Variants in SH3KBP1 observed in about 807,000 individuals in gnomAD.
SH3KBP1 encodes the protein SH3 domain-containing kinase-binding protein 1.
A neutral mutation model predicts 50.1 loss-of-function variants in SH3KBP1; 8 were observed. The ratio of observed to expected loss-of-function variants is 0.16; its 90% CI spans 0.09 to 0.29. SH3KBP1 has a LOEUF of 0.29. Ranked by LOEUF, SH3KBP1 falls within the 10% of genes least tolerant of loss-of-function variation. The pLI is 1.00. For missense variants in SH3KBP1, 377 were observed against 535.2 expected (o/e 0.70, Z 2.92); for synonymous variants, 227 against 218.6 (o/e 1.04, Z -0.34).
chrX:19,581,875 C>T (rs778049075), intron 12 of SH3KBP1, among the ~76,000 whole-genome samples: 4 of 102,153 alleles, frequency 3.9e-5, no homozygotes, highest in Admixed American at 1.1e-4. Context: ...AAAAAAAAAG[C>T]GATTCCACTG....
At chrX:19,844,536 CT>C (rs779525291) in intron 1 of SH3KBP1, among the ~76,000 whole-genome samples, 24 of 111,609 alleles carry the variant, frequency 2.2e-4, no homozygotes, top group African/African-American at 7.5e-4. Context: ...TGATTTCACT[CT>C]TACCTTCACC....
At chrX:19,733,090 G>C (rs1164761301) in intron 3 of SH3KBP1, among the ~76,000 whole-genome samples, 1 of 111,523 alleles carries the variant, frequency 9.0e-6, no homozygotes. Context: ...GAGGAGAGGT[G>C]GGGGAGAAAA....
chrX:19,700,868 C>A (rs1321199859), intron 4 of SH3KBP1, among the ~76,000 whole-genome samples: 2 of 112,242 alleles, frequency 1.8e-5, no homozygotes, highest in African/African-American at 6.5e-5. Context: ...TGGGCCAGAA[C>A]ATTCCATTCA....
intron 1 of SH3KBP1, among the ~76,000 whole-genome samples, chrX:19,887,089 C>A (rs1401465438): frequency 9.0e-6 from 1 of 111,613 alleles, no homozygotes; most frequent in African/African-American, 3.3e-5. Flanking sequence ...TCTGCTCAGG[C>A]CCCCGCGGGT....
chrX:19,679,484 T>C (rs778509716), intron 6 of SH3KBP1, among the ~76,000 whole-genome samples: 1 of 112,496 alleles, frequency 8.9e-6, no homozygotes, highest in African/African-American at 3.2e-5. Context: ...ATGAAGGTAC[T>C]ATGGCCCTAT....
chrX:19,541,239 G>A (rs1434861010), intron 16 of SH3KBP1, among the ~76,000 whole-genome samples: 1 of 111,674 alleles, frequency 9.0e-6, no homozygotes, highest in East Asian at 2.8e-4. Context: ...CCTCCTATGG[G>A]CTTTGTCATT....
intron 2 of SH3KBP1, among the ~76,000 whole-genome samples, chrX:19,759,569 C>T: frequency 8.9e-6 from 1 of 111,943 alleles, no homozygotes; most frequent in Non-Finnish European, 1.9e-5. Context: ...CAAAACAATG[C>T]CATTTCATGC....
intron 7 of SH3KBP1, among the ~76,000 whole-genome samples, chrX:19,637,337 G>A (rs1321581552): frequency 8.9e-6 from 1 of 112,117 alleles, no homozygotes; most frequent in East Asian, 2.8e-4. Context: ...ATAAGGGTGT[G>A]GACTTCTATC....
At chrX:19,721,912 G>A (rs1337898507) in intron 3 of SH3KBP1, among the ~76,000 whole-genome samples, 2 of 111,304 alleles carry the variant, frequency 1.8e-5, no homozygotes, top group African/African-American at 3.3e-5. Flanking sequence ...TGAGATGGGA[G>A]GACCACTTGA....
rs146662643 is a variant in SH3KBP1 at position 19,776,157 on chromosome X, A to C, written c.163-29716T>G. The stretch of plus-strand genomic sequence containing the variant: ...GACCTCAGAAGATACTTTCCTCAAA[A>C]TGCTCTAAAGTCAGAAGTCTCAAAA... On this transcript the variant is annotated intron_variant, in intron 2 of 17. Transcript: ENST00000397821. Among the ~76,000 whole-genome samples the C allele has an allele frequency of 5.6e-3, 621 of 111,709 alleles. 6 individuals are homozygous for C. Among genetic ancestry groups the C allele is most frequent in the African/African-American group, 0.019 (598 of 30,724 alleles).
chrX:19,769,013 C>A (rs1041767722), intron 2 of SH3KBP1, among the ~76,000 whole-genome samples: 15 of 107,585 alleles, frequency 1.4e-4, no homozygotes, highest in Non-Finnish European at 1.3e-4. Context: ...TCCTGTTAAG[C>A]AGAAGGAGGT....
intron 2 of SH3KBP1, among the ~76,000 whole-genome samples, chrX:19,779,207 G>A (rs1373696127): frequency 9.3e-6 from 1 of 107,047 alleles, no homozygotes; most frequent in Admixed American, 1.0e-4. Flanking sequence ...GCTGAGGTGG[G>A]AGGATTGCTT....
chrX:19,826,698 AAC>A (rs2067687238), intron 2 of SH3KBP1, among the ~76,000 whole-genome samples: 1 of 98,972 alleles, frequency 1.0e-5, no homozygotes, highest in Non-Finnish European at 2.0e-5. Context: ...AACATAACAT[AAC>A]ATAACATAAC....
chrX:19,722,646 C>G (rs2064103172), intron 3 of SH3KBP1, among the ~76,000 whole-genome samples: 1 of 105,235 alleles, frequency 9.5e-6, no homozygotes, highest in African/African-American at 3.5e-5. Context: ...GCTGCAAGCA[C>G]AGAAATATTC....
At chrX:19,804,677 T>C (rs2066981460) in intron 2 of SH3KBP1, among the ~76,000 whole-genome samples, 1 of 109,783 alleles carries the variant, frequency 9.1e-6, no homozygotes, top group Non-Finnish European at 1.9e-5. Flanking sequence ...GTTTCACCCC[T>C]GCAGAGATCT....
chrX:19,590,092 G>C (rs2066698421), intron 11 of SH3KBP1, among the ~76,000 whole-genome samples: 1 of 111,280 alleles, frequency 9.0e-6, no homozygotes, highest in African/African-American at 3.3e-5. Flanking sequence ...CTGGGTGACA[G>C]AGCAAGACCC....
chrX:19,557,109 A>G (rs976907489), intron 13 of SH3KBP1, among the ~76,000 whole-genome samples: 4 of 112,440 alleles, frequency 3.6e-5, no homozygotes, highest in Non-Finnish European at 7.5e-5. Flanking sequence ...ACAAAGAAAG[A>G]GATGGAGGGC....
At chrX:19,666,957 A>G (rs2062614868) in intron 6 of SH3KBP1, among the ~76,000 whole-genome samples, 1 of 112,790 alleles carries the variant, frequency 8.9e-6, no homozygotes, top group African/African-American at 3.2e-5. Context: ...AATGTCCATC[A>G]ACAGATGAAT....
At chrX:19,618,385 C>CAAAAAAA (rs1169013925) in intron 8 of SH3KBP1, among the ~76,000 whole-genome samples, 1 of 18,203 alleles carries the variant, frequency 5.5e-5, no homozygotes, top group African/African-American at 1.6e-4. Context: ...GACTCTGTCT[C>CAAAAAAA]AAAAAAAAAA....
Sources: allele counts gnomAD v4.1 joint callset (sites outside exome capture counted in the v4.1 genomes callset), GRCh38; gene constraint gnomAD v4.1.1; transcripts MANE v1.5; gene names NCBI Gene and HGNC (gene_info 2026-07-23, HGNC 2026-07-21).